ZNRF2: variants seen among roughly 807,000 people sequenced by gnomAD.
The protein encoded by ZNRF2 is E3 ubiquitin-protein ligase ZNRF2.
ZNRF2 carries 16 observed loss-of-function variants against 20.4 expected under a neutral mutation model. That is an observed-to-expected ratio of 0.79 (90% CI 0.53 to 1.19). The LOEUF is 1.19. Ranked by LOEUF, ZNRF2 falls within the 50% of genes most tolerant of loss-of-function variation. The pLI is 0.00. For synonymous variants in ZNRF2, 178 were observed against 144.9 expected (o/e 1.23, Z -1.64); for missense variants, 363 against 332.4 (o/e 1.09, Z -0.72).
Position 30,285,354 on chromosome 7 carries a change from G to A in ZNRF2, c.-4G>A, listed in dbSNP as rs1426254929. ...GCGCGGGCCCGGCCCGGGGCAGGGC[G>A]GACATGGGCGCCAAACAGAGCGGCC... On this transcript the variant is annotated 5_prime_UTR_variant, in exon 1 of 5. Coordinates refer to ENST00000323037, the MANE Select transcript of ZNRF2 (RefSeq NM_147128.4). 1 of 1,170,534 alleles carries A rather than the reference G, an allele frequency of 8.5e-7. No homozygotes were observed. Among genetic ancestry groups the A allele is most frequent in the Non-Finnish European group, 1.1e-6 (1 of 941,300 alleles). The allele number at this position is 1,170,534 out of a possible 1,614,324, so 72.5% of individuals were successfully genotyped here. A position where few individuals can be genotyped will look rare whatever the true frequency, so the allele number is the denominator to read the frequency against.
chr7:30,361,278 G>A (rs772784180), intron 3 of ZNRF2, among the ~76,000 whole-genome samples: 2 of 152,162 alleles, frequency 1.3e-5, no homozygotes, highest in Non-Finnish European at 2.9e-5. Flanking sequence ...TATATATTTC[G>A]AGAACAAAAG....
chr7:30,321,679 A>G (rs1799472440), intron 1 of ZNRF2, among the ~76,000 whole-genome samples: 1 of 152,122 alleles, frequency 6.6e-6, no homozygotes, highest in Admixed American at 6.6e-5. Context: ...GATGATTCTG[A>G]TGTTTCAAAT....
chr7:30,300,148 C>CT (rs11312967), intron 1 of ZNRF2, among the ~76,000 whole-genome samples: 2,983 of 113,002 alleles, frequency 0.026, 70 homozygotes, highest in South Asian at 0.041. Flanking sequence ...GAATACAAGT[C>CT]TTTTTTTTTT....
At chr7:30,302,590 TA>T (rs1193531581) in intron 1 of ZNRF2, among the ~76,000 whole-genome samples, 1 of 152,026 alleles carries the variant, frequency 6.6e-6, no homozygotes, top group African/African-American at 2.4e-5. Flanking sequence ...TATATGTACA[TA>T]AAAAAGACAA....
intron 2 of ZNRF2, among the ~76,000 whole-genome samples, chr7:30,347,719 A>C (rs1300140597): frequency 6.6e-6 from 1 of 152,200 alleles, no homozygotes; most frequent in Non-Finnish European, 1.5e-5. Flanking sequence ...TCTCAAAAAA[A>C]ATAAAATAAA....
At chr7:30,342,672 A>T (rs1011106889) in intron 2 of ZNRF2, among the ~76,000 whole-genome samples, 1 of 152,002 alleles carries the variant, frequency 6.6e-6, no homozygotes, top group Non-Finnish European at 1.5e-5. Context: ...TTCCTTAGGT[A>T]TGCGTTTTCT....
At chr7:30,356,697 G>GT (rs1562622054) in intron 3 of ZNRF2, among the ~76,000 whole-genome samples, 10 of 128,454 alleles carry the variant, frequency 7.8e-5, no homozygotes, top group African/African-American at 3.0e-4. Flanking sequence ...ATATAACATT[G>GT]TATTTTTTTT....
chr7:30,354,084 G>A (rs1799999816), intron 2 of ZNRF2, among the ~76,000 whole-genome samples: 1 of 151,938 alleles, frequency 6.6e-6, no homozygotes, highest in Admixed American at 6.6e-5. Flanking sequence ...GAGAAAAATG[G>A]AGATCAAGAG....
At chr7:30,330,472 C>G (rs1427459797) in intron 2 of ZNRF2, among the ~76,000 whole-genome samples, 1 of 152,134 alleles carries the variant, frequency 6.6e-6, no homozygotes. Context: ...TTGTCAGGCT[C>G]ACACAAATAT....
chr7:30,285,413 C>G lies in ZNRF2; in HGVS notation c.56C>G (p.Ser19Trp). 7.9e-7 allele frequency: 1 copy of G among 1,257,888 alleles called. No homozygotes were observed. Among genetic ancestry groups the G allele is most frequent in the South Asian group, 1.5e-5 (1 of 65,328 alleles). 77.9% of individuals were successfully genotyped at this position (1,257,888 alleles called of 1,614,324 possible). A position where few individuals can be genotyped will look rare whatever the true frequency, so the allele number is the denominator to read the frequency against. The part of the protein sequence containing the change: ...AAANGRTRAY[S>W]GSDLPSSSSG... ...GCTAACGGCCGCACGCGCGCGTACT[C>G]GGGCTCGGATCTACCTTCCAGTAGC... is the stretch of plus-strand genomic sequence containing the variant. The change falls in exon 1 of 5, where the codon TCG (serine) becomes TGG (tryptophan). Residue 19 changes from serine to tryptophan, a missense_variant. Physicochemically the swap from Ser to Trp is radical, Grantham distance 177. Coordinates refer to ENST00000323037, the MANE Select transcript of ZNRF2 (RefSeq NM_147128.4).
In ZNRF2 at chr7:30,366,183, A is replaced by T. The variant is rs1279593287; in HGVS notation, c.*171A>T. ...ATGGACAATCGTACTGGGGTAAAAA[A>T]ACCCTGCTGAAGAGAGGACAGTGAC... is the stretch of plus-strand genomic sequence containing the variant. On this transcript the variant is annotated 3_prime_UTR_variant, in exon 5 of 5. Transcript: ENST00000323037. 6.6e-6 allele frequency: 1 copy of T among 152,596 alleles called. No individual in the cohort carries two copies. Among genetic ancestry groups the T allele is most frequent in the Non-Finnish European group, 1.5e-5 (1 of 68,028 alleles). 9.5% of individuals were successfully genotyped at this position (152,596 alleles called of 1,614,324 possible). A position where few individuals can be genotyped will look rare whatever the true frequency, so the allele number is the denominator to read the frequency against.
At chr7:30,299,301 C>T (rs1799069826) in intron 1 of ZNRF2, among the ~76,000 whole-genome samples, 1 of 152,032 alleles carries the variant, frequency 6.6e-6, no homozygotes. Context: ...TGCCTGTAAT[C>T]CCAGCGACTC....
intron 2 of ZNRF2, among the ~76,000 whole-genome samples, chr7:30,354,100 G>GA (rs1399076831): frequency 6.6e-6 from 1 of 151,976 alleles, no homozygotes; most frequent in Non-Finnish European, 1.5e-5. Context: ...AAGAGAATGA[G>GA]AAAAGGCATG....
At position 30,285,768 on chromosome 7, in the gene ZNRF2, C is replaced by A; in HGVS notation, c.411C>A (p.Gly137=). 2 of 1,488,620 alleles carry A rather than the reference C, an allele frequency of 1.3e-6. No homozygotes were observed. The highest frequency in any genetic ancestry group is 8.9e-7 in the Non-Finnish European group (1 of 1,126,234). The allele number at this position is 1,488,620 out of a possible 1,614,324, so 92.2% of individuals were successfully genotyped here. A position where few individuals can be genotyped will look rare whatever the true frequency, so the allele number is the denominator to read the frequency against. The change falls in exon 1 of 5, where the codon GGC becomes GGA. Residue 137 remains glycine, a synonymous_variant. Coordinates refer to ENST00000323037, the MANE Select transcript of ZNRF2 (RefSeq NM_147128.4). ...GRDRPVGGSP[G]GPRLVIGSLP... is the part of the protein sequence containing the mutation. ...ACCGGCCGGTGGGCGGGAGCCCCGG[C>A]GGGCCGCGCCTGGTGATCGGCTCCT...
chr7:30,287,726 A>G (rs1325095196), intron 1 of ZNRF2, among the ~76,000 whole-genome samples: 21 of 151,688 alleles, frequency 1.4e-4, no homozygotes, highest in African/African-American at 5.1e-4. Flanking sequence ...ACACTTTCTG[A>G]GGAACTTACA....
intron 2 of ZNRF2, 142 bp downstream of exon 2, chr7:30,323,879 A>G (rs1388408689): frequency 2.0e-6 from 1 of 509,486 alleles, no homozygotes; most frequent in Non-Finnish European, 3.2e-6. Context: ...TGGTTCTCAA[A>G]TTCTGTGATC....
At chr7:30,358,441 A>G (rs555638816) in intron 3 of ZNRF2, among the ~76,000 whole-genome samples, 9 of 152,220 alleles carry the variant, frequency 5.9e-5, no homozygotes, top group Non-Finnish European at 1.3e-4. Context: ...CATCTACCAT[A>G]TTGTGGATAG....
At position 30,311,441 on chromosome 7, in the gene ZNRF2, G is replaced by A. The variant is rs1799291034; in HGVS notation, c.470-12201G>A. ...CAGCAAACCCAATATAGCTAAGGAAGTATATAATGCAGAGTGAATTTCATG... is the reference window on the plus strand; with the variant it reads ...CAGCAAACCCAATATAGCTAAGGAAATATATAATGCAGAGTGAATTTCATG... On this transcript the variant is annotated intron_variant, in intron 1 of 4. Transcript: ENST00000323037. Among the ~76,000 whole-genome samples, 2 of 152,176 alleles carry A rather than the reference G, an allele frequency of 1.3e-5. 1 individual carries two copies. Among genetic ancestry groups the A allele is most frequent in the African/African-American group, 4.8e-5 (2 of 41,458 alleles).
In ZNRF2 at chr7:30,296,717, G is replaced by C. The variant is rs1047714281; in HGVS notation, c.469+10891G>C. On this transcript the variant is annotated intron_variant, in intron 1 of 4. Coordinates refer to ENST00000323037, the MANE Select transcript of ZNRF2 (RefSeq NM_147128.4). The stretch of plus-strand genomic sequence containing the variant: ...TTCCTACCACCTTACCGTACGCAGA[G>C]TTCTTTGGAGGATTGCCATTAGTTT... Among the ~76,000 whole-genome samples, 6 of 152,130 alleles carry C rather than the reference G, an allele frequency of 3.9e-5. No homozygotes were observed. The South Asian group carries it at 8.3e-4, about 21-fold the overall frequency.
Sources: gnomAD v4.1 joint callset for allele counts (sites outside exome capture counted in the v4.1 genomes callset) on GRCh38, gnomAD v4.1.1 for gene constraint, MANE v1.5 for transcripts, NCBI Gene and HGNC (gene_info 2026-07-23, HGNC 2026-07-21) for gene names.